The following DNAH14 variants were observed in gnomAD, a reference collection of about 807,000 sequenced individuals.
The protein encoded by DNAH14 is dynein axonemal heavy chain 14.
Under a neutral mutation model 520.9 loss-of-function variants are expected in DNAH14, and 478 were observed. The ratio of observed to expected loss-of-function variants is 0.92; its 90% CI spans 0.85 to 0.99. DNAH14 has a LOEUF of 0.99. Among genes scored for constraint, DNAH14 ranks in the 50% least tolerant of loss-of-function variants. DNAH14 has a pLI of 0.00. For synonymous variants in DNAH14, 1,581 were observed against 1,757.2 expected, an observed-to-expected ratio of 0.90 and a Z score of 2.51; for missense variants, 4,831 against 5,234.5, an observed-to-expected ratio of 0.92 and a Z score of 2.38.
chr1:225,308,026 C>T (rs778283099), intron 59 of DNAH14, among the ~76,000 whole-genome samples: 10 of 152,154 alleles, frequency 6.6e-5, no homozygotes, highest in East Asian at 1.9e-4. Context: ...GCACCAGTGG[C>T]GGAGAGCTAC....
intron 27 of DNAH14, among the ~76,000 whole-genome samples, chr1:225,136,470 G>T (rs950368306): frequency 1.3e-5 from 2 of 152,148 alleles, no homozygotes; most frequent in Admixed American, 1.3e-4. Context: ...TTAAGAAGTT[G>T]AATATTGGCC....
At chr1:225,094,052 T>G (rs935221096) in intron 21 of DNAH14, among the ~76,000 whole-genome samples, 7 of 152,214 alleles carry the variant, frequency 4.6e-5, no homozygotes, top group Admixed American at 4.6e-4. Context: ...ACAGCCATAC[T>G]GCCCAAAGCG....
chr1:225,395,733 G>C (rs1257856364), intron 84 of DNAH14: 1 of 152,230 alleles, frequency 6.6e-6, no homozygotes, highest in African/African-American at 2.4e-5. Context: ...GGTTCTCACA[G>C]TTTCTGGTCC....
At chr1:225,312,612 A>C (rs940782703) in intron 60 of DNAH14, among the ~76,000 whole-genome samples, 1 of 152,204 alleles carries the variant, frequency 6.6e-6, no homozygotes, top group Non-Finnish European at 1.5e-5. Context: ...ATTTTAAGAT[A>C]TATTCCATCA....
rs1163751025 is a variant in DNAH14 at position 225,140,049 on chromosome 1, G to A, written c.4255-719G>A. The stretch of plus-strand genomic sequence containing the variant: ...GATCTGGAAAAATCTCACTCTGTCT[G>A]TTAACTTTATGCTAATTATTCCCAC... On this transcript the variant is annotated intron_variant, in intron 27 of 85. Coordinates refer to ENST00000682510, the MANE Select transcript of DNAH14 (RefSeq NM_001367479.1). 5.3e-5 allele frequency among the ~76,000 whole-genome samples: 8 copies of A among 152,272 alleles called. No individual in the cohort carries two copies. The East Asian group carries it at 1.3e-3, about 26-fold the overall frequency.
chr1:225,146,979 G>C, intron 30 of DNAH14, 125 bp from the exon 31 acceptor site: 1 of 682,736 alleles, frequency 1.5e-6, no homozygotes, highest in Non-Finnish European at 2.3e-6. Flanking sequence ...GCCTAGGAGG[G>C]GGAAATGCAA....
In DNAH14 at chr1:225,271,998, C is replaced by T. The variant is rs1574432850; in HGVS notation, c.7764C>T (p.Tyr2588=). 2 of 1,550,660 alleles carry T rather than the reference C, an allele frequency of 1.3e-6. No homozygotes were observed. The highest frequency in any genetic ancestry group is 1.7e-4 in the Middle Eastern group (1 of 5,976). ...DQIISCSLAI[Y]HQVRQNMLPT... The stretch of plus-strand genomic sequence containing the variant: ...TAATATCTTGTTCCCTAGCTATATA[C>T]CATCAAGTACGTCAGAATATGTTAC... Residue 2588 remains tyrosine (Y), a synonymous_variant, in exon 51 of 86, where the codon TAC becomes TAT. Coordinates refer to ENST00000682510, the MANE Select transcript of DNAH14 (RefSeq NM_001367479.1).
intron 54 of DNAH14, among the ~76,000 whole-genome samples, chr1:225,279,337 T>C (rs1429236091): frequency 6.6e-6 from 1 of 152,186 alleles, no homozygotes; most frequent in African/African-American, 2.4e-5. Flanking sequence ...AATTAAACAT[T>C]ATAAATAGAT....
chr1:225,370,997 T>C (rs555048426), intron 77 of DNAH14, among the ~76,000 whole-genome samples: 49 of 152,270 alleles, frequency 3.2e-4, no homozygotes, highest in Admixed American at 7.8e-4. Context: ...ACAAAAGGCA[T>C]TGCAAATGAC....
chr1:225,364,793 T>C lies in DNAH14; in HGVS notation c.11989T>C (p.Phe3997Leu). 6.5e-7 allele frequency: 1 copy of C among 1,530,620 alleles called. No homozygotes were observed. Among genetic ancestry groups the C allele is most frequent in the Non-Finnish European group, 8.8e-7 (1 of 1,140,040 alleles). The allele number at this position is 1,530,620 out of a possible 1,614,324, so 94.8% of individuals were successfully genotyped here. ...MPRLCTIVESFNSPNVTIDPE... is the reference protein window; with the variant it reads ...MPRLCTIVESLNSPNVTIDPE... ...ATTTATAAATTTTTTATTTTGCAGT[T>C]TTAATAGTCCAAACGTGACAATAGA... The change falls in exon 76 of 86, where the codon TTT becomes CTT. Residue 3997 changes from phenylalanine to leucine, a missense_variant and splice_region_variant. By Grantham distance (22) the Phe-to-Leu change is conservative. Coordinates refer to ENST00000682510, the MANE Select transcript of DNAH14 (RefSeq NM_001367479.1).
intron 81 of DNAH14, among the ~76,000 whole-genome samples, chr1:225,387,465 C>G (rs1291614424): frequency 6.6e-6 from 1 of 152,090 alleles, no homozygotes; most frequent in African/African-American, 2.4e-5. Flanking sequence ...GTGTCATCAG[C>G]CTAGACAGAG....
At chr1:225,221,276 G>T (rs2090030279) in intron 41 of DNAH14, among the ~76,000 whole-genome samples, 1 of 152,240 alleles carries the variant, frequency 6.6e-6, no homozygotes, top group East Asian at 1.9e-4. Context: ...GACACCAAAA[G>T]CAATGGCAAC....
Position 224,929,716 on chromosome 1 carries a change from T to C in DNAH14, c.-153T>C, listed in dbSNP as rs2058548720. ...CAGGAGGCGTCGGAGCCTGGCGTGG[T>C]AGGGCTGTGCTGCGCGGTCCTTCCC... On this transcript the variant is annotated 5_prime_UTR_variant, in exon 1 of 86. Transcript: ENST00000682510. 1.4e-6 allele frequency: 1 copy of C among 702,246 alleles called. No individual in the cohort carries two copies. Among genetic ancestry groups the C allele is most frequent in the South Asian group, 1.5e-5 (1 of 67,600 alleles). 43.5% of individuals were successfully genotyped at this position (702,246 alleles called of 1,614,324 possible).
chr1:225,259,133 T>C lies in DNAH14; in HGVS notation c.7037T>C (p.Val2346Ala), dbSNP rs2092842654. Residue 2346 changes from valine to alanine, a missense_variant, in exon 46 of 86, where the codon GTT (valine) becomes GCT (alanine). Val to Ala is a moderately conservative substitution (Grantham distance 64, BLOSUM62 0). Coordinates refer to ENST00000682510, the MANE Select transcript of DNAH14 (RefSeq NM_001367479.1). ...CPVLLTGESG[V>A]GKTAAINQML... ...TTTTTTCCCTTAGGAGAATCTGGTG[T>C]TGGGAAAACTGCTGCCATTAATCAA... 6.5e-7 allele frequency: 1 copy of C among 1,542,738 alleles called. No homozygotes were observed. Among genetic ancestry groups the C allele is most frequent in the African/African-American group, 1.4e-5 (1 of 72,510 alleles).
rs1265092745 is a variant in DNAH14, at chr1:224,964,516, G to A, written c.405G>A (p.Arg135=). 1 of 1,609,958 alleles carries A rather than the reference G, an allele frequency of 6.2e-7. No homozygotes were observed. Among genetic ancestry groups the A allele is most frequent in the Admixed American group, 1.7e-5 (1 of 59,792 alleles). The change falls in exon 5 of 86, where the codon AGG becomes AGA. Residue 135 remains arginine (R), a synonymous_variant. Coordinates refer to ENST00000682510, the MANE Select transcript of DNAH14 (RefSeq NM_001367479.1). ...ATGATGTGATAAGAAATATTATTAG[G>A]CTACGAGAAAAGCTTGGTTGGCAAA... is the stretch of plus-strand genomic sequence containing the variant. The part of the protein sequence containing the change: ...KDDDVIRNII[R]LREKLGWQTI...
intron 66 of DNAH14, among the ~76,000 whole-genome samples, chr1:225,335,133 GCATGTGCA>G (rs149028709): frequency 0.064 from 8,784 of 137,904 alleles, 316 homozygotes; most frequent in African/African-American, 0.11. Flanking sequence ...GTACATATGT[GCATGTGCA>G]CATGTGTACA....
In DNAH14 at chr1:225,015,412, G is replaced by A. The variant is rs114353195; in HGVS notation, c.1107+7868G>A. 2.0e-3 allele frequency among the ~76,000 whole-genome samples: 311 copies of A among 152,184 alleles called. 1 individual carries two copies. Among genetic ancestry groups the A allele is most frequent in the Non-Finnish European group, 3.7e-3 (255 of 68,004 alleles). ...TATTTTTGCAGTTAGGTGGTTTTCC[G>A]TAGTGATAAGGTTTGATTGATTTGC... On this transcript the variant is annotated intron_variant, in intron 10 of 85. Coordinates refer to ENST00000682510, the MANE Select transcript of DNAH14 (RefSeq NM_001367479.1).
At chr1:225,394,493 T>C (rs2095975560) in intron 84 of DNAH14, among the ~76,000 whole-genome samples, 1 of 152,224 alleles carries the variant, frequency 6.6e-6, no homozygotes, top group Non-Finnish European at 1.5e-5. Flanking sequence ...CATGAAAATA[T>C]TCTCCTGTTA....
At chr1:225,215,621 G>T (rs1461461441) in intron 41 of DNAH14, among the ~76,000 whole-genome samples, 1 of 152,192 alleles carries the variant, frequency 6.6e-6, no homozygotes, top group East Asian at 1.9e-4. Flanking sequence ...AGCTCTTCTT[G>T]TTGAATTGAT....
Sources: gnomAD v4.1 joint callset for allele counts (sites outside exome capture counted in the v4.1 genomes callset) on GRCh38, gnomAD v4.1.1 for gene constraint, MANE v1.5 for transcripts, NCBI Gene and HGNC (gene_info 2026-07-23, HGNC 2026-07-21) for gene names.